Variants in CFAP161 observed in about 807,000 individuals in gnomAD.
CFAP161 encodes the protein cilia- and flagella-associated protein 161.
CFAP161 carries 25 observed loss-of-function variants against 29.0 expected under a neutral mutation model. The ratio of observed to expected loss-of-function variants is 0.86; its 90% CI spans 0.63 to 1.20. The LOEUF is 1.20. Among genes scored for constraint, CFAP161 ranks in the 50% most tolerant of loss-of-function variants. CFAP161 has a pLI of 0.00. For missense variants in CFAP161, 367 were observed against 371.9 expected, an observed-to-expected ratio of 0.99 and a Z score of 0.11; for synonymous variants, 116 against 137.4, an observed-to-expected ratio of 0.84 and a Z score of 1.09.
rs545966676 is a variant in CFAP161, at chr15:81,143,581, G to A, written c.478-81G>A. ...GAGAACTGCTTTGAATGTGCTTGCC[G>A]TCCAGCCAGTCAATTGCTTCTTTAT... is the stretch of plus-strand genomic sequence containing the variant. On this transcript the variant is annotated intron_variant, in intron 4 of 6. Transcript: ENST00000286732. 8.0e-5 allele frequency: 116 copies of A among 1,449,106 alleles called. No homozygotes were observed. The African/African-American group carries it at 8.2e-4, about 10-fold the overall frequency. 89.8% of individuals were successfully genotyped at this position (1,449,106 alleles called of 1,614,324 possible). A position where few individuals can be genotyped will look rare whatever the true frequency, so the allele number is the denominator to read the frequency against.
chr15:81,107,260 G>T (rs540782500), intron 1 of CFAP161, among the ~76,000 whole-genome samples: 1 of 152,278 alleles, frequency 6.6e-6, no homozygotes, highest in African/African-American at 2.4e-5. Context: ...TGTCACACAC[G>T]TCATCTTACA....
At chr15:81,144,682 G>A (rs1292202303) in intron 5 of CFAP161, among the ~76,000 whole-genome samples, 1 of 151,892 alleles carries the variant, frequency 6.6e-6, no homozygotes, top group Non-Finnish European at 1.5e-5. Context: ...AGCTACTAGA[G>A]AGGCTGAGGT....
chr15:81,112,694 C>T (rs1894453079), intron 1 of CFAP161, among the ~76,000 whole-genome samples: 1 of 152,080 alleles, frequency 6.6e-6, no homozygotes, highest in Non-Finnish European at 1.5e-5. Flanking sequence ...GTGCTTATTA[C>T]ATTATTTAAA....
At chr15:81,136,449 A>G in intron 2 of CFAP161, 67 bp from the exon 3 acceptor site, 1 of 1,436,976 alleles carries the variant, frequency 7.0e-7, no homozygotes, top group Non-Finnish European at 9.7e-7. Context: ...GAAGGAAGAA[A>G]ATTGCCTTGG....
Position 81,134,308 on chromosome 15 carries a change from A to C in CFAP161, c.-22A>C, listed in dbSNP as rs1894769241. The C allele has an allele frequency of 1.3e-6, 2 of 1,575,228 alleles. No homozygotes were observed. The highest frequency in any genetic ancestry group is 1.7e-6 in the Non-Finnish European group (2 of 1,160,488). ...AACGCATGGTGTCGGAGGGAGGCCC[A>C]CTTGCTGAACAGCAGGGAGCGATGG... On this transcript the variant is annotated 5_prime_UTR_variant, in exon 1 of 7. Transcript: ENST00000286732.
At chr15:81,125,829 T>G (rs1455652909) in intron 1 of CFAP161, among the ~76,000 whole-genome samples, 1 of 152,318 alleles carries the variant, frequency 6.6e-6, no homozygotes, top group East Asian at 1.9e-4. Flanking sequence ...ATTAGAGTCA[T>G]GAGATAGTAT....
chr15:81,123,250 C>A (rs111877570), intron 1 of CFAP161, among the ~76,000 whole-genome samples: 8 of 152,048 alleles, frequency 5.3e-5, no homozygotes, highest in African/African-American at 1.9e-4. Context: ...TTTAATCTTC[C>A]GCATATGGCT....
intron 2 of CFAP161, 112 bp from the exon 3 acceptor site, chr15:81,136,404 A>C: frequency 1.1e-6 from 1 of 927,154 alleles, no homozygotes; most frequent in Non-Finnish European, 1.7e-6. Context: ...GAGGGAATCC[A>C]AGTGAAATCC....
At position 81,134,384 on chromosome 15, in the gene CFAP161, GTC is replaced by G; in HGVS notation, c.57_58del (p.Tyr20ProfsTer24). 2 of 1,587,514 alleles carry G rather than the reference GTC, an allele frequency of 1.3e-6. No homozygotes were observed. The highest frequency in any genetic ancestry group is 2.7e-5 in the African/African-American group (2 of 74,914). On this transcript the variant is annotated frameshift_variant, in exon 1 of 7. Coordinates refer to ENST00000286732, the MANE Select transcript of CFAP161 (RefSeq NM_173528.4). LOFTEE classifies it high-confidence loss of function. ...CCGGATAGGCAACTGGAATGAGGAT[GTC>G]TACCTGGAGGAGGTACGCAGGGTGT... The part of the protein sequence containing the change: ...GVRIGNWNED[V>X]YLEEELMKDF...
chr15:81,115,410 T>C (rs1894485119), intron 1 of CFAP161, among the ~76,000 whole-genome samples: 1 of 152,170 alleles, frequency 6.6e-6, no homozygotes, highest in African/African-American at 2.4e-5. Context: ...GGGTAATTGG[T>C]CACTAGTAGT....
intron 1 of CFAP161, among the ~76,000 whole-genome samples, chr15:81,100,080 GA>G (rs1350063843): frequency 2.6e-5 from 4 of 151,652 alleles, no homozygotes; most frequent in Non-Finnish European, 5.9e-5. Flanking sequence ...TATAAGAGGA[GA>G]AAATTTCCAC....
intron 3 of CFAP161, among the ~76,000 whole-genome samples, chr15:81,137,119 G>A (rs892920652): frequency 6.7e-6 from 1 of 148,658 alleles, no homozygotes; most frequent in Admixed American, 6.7e-5. Context: ...CAATAAAAAC[G>A]TGTAGTTTAA....
At chr15:81,138,203 A>G in intron 4 of CFAP161, 68 bp downstream of exon 4, 2 of 1,281,430 alleles carry the variant, frequency 1.6e-6, no homozygotes, top group East Asian at 2.3e-5. Flanking sequence ...GATCATAACT[A>G]TCTACTGAAG....
intron 1 of CFAP161, among the ~76,000 whole-genome samples, chr15:81,124,216 A>G (rs1406999915): frequency 6.6e-6 from 1 of 151,762 alleles, no homozygotes; most frequent in Non-Finnish European, 1.5e-5. Flanking sequence ...TGTTCCTTCA[A>G]TACCAGGGAT....
chr15:81,104,823 A>T (rs1027759778), intron 1 of CFAP161, among the ~76,000 whole-genome samples: 2 of 152,142 alleles, frequency 1.3e-5, no homozygotes, highest in Admixed American at 1.3e-4. Flanking sequence ...TGTATATGAT[A>T]TTCTCTAGTT....
chr15:81,137,991 C>A (rs564738672), intron 3 of CFAP161, 60 bp from the exon 4 acceptor site: 4 of 1,302,548 alleles, frequency 3.1e-6, no homozygotes, highest in East Asian at 2.4e-5. Flanking sequence ...AAAATAGAGT[C>A]ATAGAATGAT....
At chr15:81,124,626 T>C (rs1234885639) in intron 1 of CFAP161, among the ~76,000 whole-genome samples, 1 of 152,198 alleles carries the variant, frequency 6.6e-6, no homozygotes, top group Non-Finnish European at 1.5e-5. Flanking sequence ...AATTCAGATG[T>C]GAATCCATCT....
chr15:81,124,448 C>T (rs1370951394), intron 1 of CFAP161, among the ~76,000 whole-genome samples: 2 of 149,492 alleles, frequency 1.3e-5, no homozygotes, highest in African/African-American at 2.5e-5. Flanking sequence ...TTGATGTTCA[C>T]CAAGGATACT....
chr15:81,144,796 A>AG (rs1163227277), intron 5 of CFAP161, among the ~76,000 whole-genome samples: 4 of 151,408 alleles, frequency 2.6e-5, no homozygotes, highest in African/African-American at 9.7e-5. Context: ...AAAAAAAAAA[A>AG]AAAGAAAGAA....
Sources: allele counts gnomAD v4.1 joint callset (sites outside exome capture counted in the v4.1 genomes callset), GRCh38; gene constraint gnomAD v4.1.1; transcripts MANE v1.5; gene names NCBI Gene and HGNC (gene_info 2026-07-23, HGNC 2026-07-21).